Variants in MAGI2 observed in about 807,000 individuals in gnomAD.
MAGI2 encodes membrane-associated guanylate kinase, WW and PDZ domain-containing protein 2.
MAGI2 carries 35 observed loss-of-function variants against 133.3 expected under a neutral mutation model. The observed-to-expected ratio is 0.26, with a 90% CI of 0.20 to 0.35. The LOEUF (loss-of-function observed/expected upper bound fraction) is 0.35. Ranked by LOEUF, MAGI2 falls within the 10% of genes least tolerant of loss-of-function variation. The pLI, the probability that MAGI2 is intolerant of heterozygous loss-of-function variation, is 1.00. For synonymous variants in MAGI2, 729 were observed against 710.6 expected (o/e 1.03, Z -0.41); for missense variants, 1,636 against 1,863.4 (o/e 0.88, Z 2.25).
At chr7:79,131,194 G>T (rs1820910830) in intron 1 of MAGI2, among the ~76,000 whole-genome samples, 1 of 152,162 alleles carries the variant, frequency 6.6e-6, no homozygotes, top group African/African-American at 2.4e-5. Flanking sequence ...ACATCTCCTG[G>T]TTTTTAAAAT....
At chr7:78,146,367 C>T (rs1040656126) in intron 16 of MAGI2, among the ~76,000 whole-genome samples, 1 of 152,054 alleles carries the variant, frequency 6.6e-6, no homozygotes, top group Non-Finnish European at 1.5e-5. Flanking sequence ...TTATAATTTA[C>T]TACTATCAAT....
chr7:78,811,576 A>T (rs1789054536), intron 2 of MAGI2, among the ~76,000 whole-genome samples: 1 of 152,210 alleles, frequency 6.6e-6, no homozygotes, highest in African/African-American at 2.4e-5. Flanking sequence ...TAAGATTAAA[A>T]ACAAATTTTC....
chr7:79,397,167 A>ATT (rs985074127), intron 1 of MAGI2, among the ~76,000 whole-genome samples: 2 of 149,124 alleles, frequency 1.3e-5, no homozygotes, highest in Non-Finnish European at 3.0e-5. Flanking sequence ...TATTATTTAT[A>ATT]TTATATATAT....
chr7:78,940,749 G>T (rs1800902126), intron 2 of MAGI2: 1 of 152,124 alleles, frequency 6.6e-6, no homozygotes, highest in South Asian at 2.1e-4. Flanking sequence ...GCAAGCTGTG[G>T]CACAAGAATT....
intron 1 of MAGI2, among the ~76,000 whole-genome samples, chr7:79,403,440 T>C (rs1263841459): frequency 6.6e-6 from 1 of 152,110 alleles, no homozygotes; most frequent in Non-Finnish European, 1.5e-5. Context: ...CTTGCTTTTT[T>C]TTTAAAAAAG....
chr7:79,381,334 T>A (rs1402201498), intron 1 of MAGI2, among the ~76,000 whole-genome samples: 1 of 151,774 alleles, frequency 6.6e-6, no homozygotes, highest in African/African-American at 2.4e-5. Flanking sequence ...TTATTATGAA[T>A]CCCAAATCCT....
intron 9 of MAGI2, among the ~76,000 whole-genome samples, chr7:78,282,324 C>T (rs1050382450): frequency 6.6e-6 from 1 of 152,056 alleles, no homozygotes; most frequent in Non-Finnish European, 1.5e-5. Flanking sequence ...GTTTGTCTTG[C>T]CAAGACTTTC....
chr7:78,933,798 A>G (rs1234126633), intron 2 of MAGI2, among the ~76,000 whole-genome samples: 1 of 152,138 alleles, frequency 6.6e-6, no homozygotes, highest in Non-Finnish European at 1.5e-5. Context: ...TATAAGATTG[A>G]AGAGAGACTC....
At chr7:78,864,228 CA>C (rs1261393797) in intron 2 of MAGI2, among the ~76,000 whole-genome samples, 2 of 152,114 alleles carry the variant, frequency 1.3e-5, no homozygotes, top group Non-Finnish European at 2.9e-5. Context: ...ACCCTTACAA[CA>C]AAAAATTTAA....
intron 6 of MAGI2, among the ~76,000 whole-genome samples, chr7:78,483,019 A>G (rs1052739417): frequency 1.3e-5 from 2 of 151,344 alleles, no homozygotes; most frequent in African/African-American, 4.9e-5. Context: ...TATATTGTAT[A>G]TATGTACTTG....
chr7:79,324,605 TA>T lies in MAGI2; in HGVS notation c.301+128414del, dbSNP rs1186754781. Reference sequence around the variant, plus strand: ...CCATATATATATAACAATATATATATAAAAAATATATATAATATATATATTA... The same window carrying T: ...CCATATATATATAACAATATATATATAAAAATATATATAATATATATATTA... On this transcript the variant is annotated intron_variant, in intron 1 of 21. Coordinates refer to ENST00000354212, the MANE Select transcript of MAGI2 (RefSeq NM_012301.4). Among the ~76,000 whole-genome samples the T allele has an allele frequency of 2.4e-3, 102 of 41,678 alleles. 26 individuals carry two copies. The highest frequency in any genetic ancestry group is 7.8e-3 in the African/African-American group (97 of 12,502). The allele number at this position is 41,678 out of a possible 152,430, so 27.3% of individuals were successfully genotyped here.
chr7:78,219,569 C>G (rs554605437), intron 10 of MAGI2, among the ~76,000 whole-genome samples: 39 of 152,262 alleles, frequency 2.6e-4, no homozygotes, highest in African/African-American at 8.7e-4. Flanking sequence ...CCTTCCCCCC[C>G]ACCGATGTCA....
intron 1 of MAGI2, among the ~76,000 whole-genome samples, chr7:79,070,925 C>A (rs1361736250): frequency 6.6e-6 from 1 of 152,164 alleles, no homozygotes; most frequent in East Asian, 1.9e-4. Flanking sequence ...TTATTACCCA[C>A]CTTCTGAAGC....
chr7:79,401,349 A>C (rs1052698802), intron 1 of MAGI2, among the ~76,000 whole-genome samples: 1 of 152,204 alleles, frequency 6.6e-6, no homozygotes, highest in Non-Finnish European at 1.5e-5. Flanking sequence ...TTGAATAAAT[A>C]ATTGGAAGGA....
In MAGI2 at chr7:78,355,045, G is replaced by C. The variant is rs116485748; in HGVS notation, c.1104-9002C>G. On this transcript the variant is annotated intron_variant, in intron 7 of 21. Transcript: ENST00000354212. ...TTGTTTTTAATAGATTGGTTTATTG[G>C]GGATAGGTATTGTGACAGAGTTTTA... Among the ~76,000 whole-genome samples the C allele has an allele frequency of 3.6e-3, 543 of 152,260 alleles. 1 individual carries two copies. Among genetic ancestry groups the C allele is most frequent in the African/African-American group, 0.012 (517 of 41,558 alleles).
At chr7:78,690,370 C>G (rs1056372205) in intron 2 of MAGI2, among the ~76,000 whole-genome samples, 2 of 152,142 alleles carry the variant, frequency 1.3e-5, no homozygotes, top group African/African-American at 2.4e-5. Context: ...GGAAGGCTGA[C>G]AGTTTTGCTA....
At chr7:79,100,333 C>T (rs941291030) in intron 1 of MAGI2, among the ~76,000 whole-genome samples, 2 of 151,986 alleles carry the variant, frequency 1.3e-5, no homozygotes, top group Non-Finnish European at 2.9e-5. Flanking sequence ...TGTTTCATTC[C>T]ACTTTCCAAA....
intron 20 of MAGI2, among the ~76,000 whole-genome samples, chr7:78,086,641 A>ATT (rs368254308): frequency 8.6e-5 from 10 of 116,332 alleles, no homozygotes; most frequent in Non-Finnish European, 8.7e-5. Flanking sequence ...TATTATTATT[A>ATT]TTTTTTTTTT....
chr7:78,517,531 G>C (rs1433745487), intron 4 of MAGI2, among the ~76,000 whole-genome samples: 1 of 152,090 alleles, frequency 6.6e-6, no homozygotes, highest in East Asian at 1.9e-4. Context: ...CATAAAATAA[G>C]TATAGAATTA....
Sources: gnomAD v4.1 joint callset for allele counts (sites outside exome capture counted in the v4.1 genomes callset) on GRCh38, gnomAD v4.1.1 for gene constraint, MANE v1.5 for transcripts, NCBI Gene and HGNC (gene_info 2026-07-23, HGNC 2026-07-21) for gene names.